The following CSMD1 variants were observed in gnomAD, a reference collection of about 807,000 sequenced individuals.
CSMD1 encodes CUB and sushi domain-containing protein 1.
CSMD1 carries 213 observed loss-of-function variants against 417.5 expected under a neutral mutation model. The observed-to-expected ratio is 0.51, with a 90% CI of 0.46 to 0.57. The LOEUF is 0.57. Ranked by LOEUF, CSMD1 falls within the 20% of genes least tolerant of loss-of-function variation. The probability of loss-of-function intolerance (pLI) is 0.00; values close to 1 mark genes in which losing one functional copy is unlikely to be tolerated. For synonymous variants in CSMD1, 2,862 were observed against 1,736.8 expected (o/e 1.65, Z -16.11); for missense variants, 6,923 against 4,529.7 (o/e 1.53, Z -15.17).
In CSMD1 at chr8:3,932,982, T is replaced by C. The variant is rs531035063; in HGVS notation, c.818+64921A>G. 2.8e-4 allele frequency among the ~76,000 whole-genome samples: 42 copies of C among 150,040 alleles called. 2 individuals carry two copies. Among genetic ancestry groups the C allele is most frequent in the African/African-American group, 9.8e-4 (40 of 40,730 alleles). ...TTAAATTTTTTGCTTTCTAATATCC[T>C]GAAAAACTTTTTAAATGTTTAACAT... On this transcript the variant is annotated intron_variant, in intron 5 of 69. Transcript: ENST00000635120.
chr8:3,982,269 A>C (rs1422261363), intron 5 of CSMD1, among the ~76,000 whole-genome samples: 2 of 151,436 alleles, frequency 1.3e-5, no homozygotes, highest in Non-Finnish European at 2.9e-5. Context: ...GCTGGGATTT[A>C]AATCCTGGTC....
At chr8:3,437,739 T>G (rs1814661388) in intron 12 of CSMD1, among the ~76,000 whole-genome samples, 2 of 139,916 alleles carry the variant, frequency 1.4e-5, no homozygotes, top group African/African-American at 2.7e-5. Flanking sequence ...TAGATGCAGC[T>G]AATTGATATC....
intron 3 of CSMD1, among the ~76,000 whole-genome samples, chr8:4,408,826 C>T (rs916213162): frequency 1.3e-5 from 2 of 152,088 alleles, no homozygotes; most frequent in Non-Finnish European, 2.9e-5. Flanking sequence ...AAGGGGGAAA[C>T]CTTTTAGACT....
chr8:3,261,081 T>G (rs1801027925), intron 26 of CSMD1, among the ~76,000 whole-genome samples: 1 of 152,162 alleles, frequency 6.6e-6, no homozygotes, highest in South Asian at 2.1e-4. Flanking sequence ...ATGCTCTAAA[T>G]TAGTAGCCAT....
rs77913759 is a variant in CSMD1, at chr8:4,674,421, G to C, written c.86-36863C>G. On this transcript the variant is annotated intron_variant, in intron 1 of 69. Transcript: ENST00000635120. ...AGGTAAAGGCAAGTGGAAACAGGTA[G>C]GGTGATGCCAGGATGGGAAGGTCTC... Among the ~76,000 whole-genome samples, 354 of 152,256 alleles carry C rather than the reference G, an allele frequency of 2.3e-3. 1 individual carries two copies. Among genetic ancestry groups the C allele is most frequent in the African/African-American group, 8.1e-3 (338 of 41,560 alleles).
chr8:4,237,966 G>A (rs966964548), intron 3 of CSMD1, among the ~76,000 whole-genome samples: 3 of 152,186 alleles, frequency 2.0e-5, no homozygotes, highest in African/African-American at 4.8e-5. Context: ...TGTCTCCTGG[G>A]TTGGCTCAGG....
At chr8:3,727,520 G>A (rs778653598) in intron 6 of CSMD1, among the ~76,000 whole-genome samples, 3 of 152,214 alleles carry the variant, frequency 2.0e-5, no homozygotes, top group Admixed American at 2.0e-4. Flanking sequence ...TGGTGTGAAT[G>A]TAAAATGAGG....
intron 2 of CSMD1, among the ~76,000 whole-genome samples, chr8:4,596,739 G>A (rs528513117): frequency 2.0e-5 from 3 of 152,198 alleles, no homozygotes; most frequent in South Asian, 2.1e-4. Context: ...AGGAACAAAC[G>A]AAATACACAC....
intron 1 of CSMD1, among the ~76,000 whole-genome samples, chr8:4,685,473 G>A (rs1013171009): frequency 1.3e-5 from 2 of 152,248 alleles, no homozygotes; most frequent in Non-Finnish European, 2.9e-5. Flanking sequence ...TACCCGGGAG[G>A]CTGAGGCAGG....
intron 2 of CSMD1, among the ~76,000 whole-genome samples, chr8:4,574,083 C>A (rs1186384216): frequency 6.6e-6 from 1 of 152,106 alleles, no homozygotes; most frequent in Admixed American, 6.5e-5. Flanking sequence ...ACCCACTGAG[C>A]AAGACCACTT....
chr8:4,080,883 T>C (rs1459564241), intron 3 of CSMD1, among the ~76,000 whole-genome samples: 1 of 152,212 alleles, frequency 6.6e-6, no homozygotes, highest in Non-Finnish European at 1.5e-5. Flanking sequence ...TTATTTAGAC[T>C]TAGACCCAAG....
chr8:3,549,645 T>G (rs1194308333), intron 10 of CSMD1, among the ~76,000 whole-genome samples: 2 of 152,314 alleles, frequency 1.3e-5, no homozygotes, highest in East Asian at 3.9e-4. Context: ...GCTAGCATGA[T>G]GGGAGAAATC....
chr8:3,395,256 A>C (rs758856037), intron 17 of CSMD1, among the ~76,000 whole-genome samples: 73 of 152,174 alleles, frequency 4.8e-4, no homozygotes, highest in Non-Finnish European at 9.0e-4. Context: ...CAGCCATAAA[A>C]CTTTGGCAAA....
At chr8:4,594,677 G>T (rs558011016) in intron 2 of CSMD1, among the ~76,000 whole-genome samples, 1 of 152,248 alleles carries the variant, frequency 6.6e-6, no homozygotes, top group East Asian at 1.9e-4. Flanking sequence ...CTGCCCATGT[G>T]TTGCCTTTGT....
intron 1 of CSMD1, among the ~76,000 whole-genome samples, chr8:4,717,583 C>T (rs1808763531): frequency 1.5e-5 from 2 of 135,742 alleles, no homozygotes; most frequent in Admixed American, 1.5e-4. Flanking sequence ...TCCATCCATC[C>T]ATACATCCAT....
chr8:3,691,648 C>T (rs914434012), intron 7 of CSMD1, among the ~76,000 whole-genome samples: 7 of 152,124 alleles, frequency 4.6e-5, no homozygotes, highest in Admixed American at 2.6e-4. Context: ...CCTAAGTACC[C>T]TTTCGTGGCA....
At chr8:4,446,437 A>C (rs1798792967) in intron 2 of CSMD1, among the ~76,000 whole-genome samples, 1 of 152,052 alleles carries the variant, frequency 6.6e-6, no homozygotes, top group African/African-American at 2.4e-5. Context: ...AGTCCCCGCT[A>C]CTCAGGTGGC....
chr8:4,052,109 G>C (rs1243965249), intron 3 of CSMD1, among the ~76,000 whole-genome samples: 1 of 151,942 alleles, frequency 6.6e-6, no homozygotes, highest in Non-Finnish European at 1.5e-5. Flanking sequence ...TTTAAAAATA[G>C]AGACAGGGTT....
chr8:4,731,163 C>A (rs568244266), intron 1 of CSMD1, among the ~76,000 whole-genome samples: 4 of 152,324 alleles, frequency 2.6e-5, no homozygotes, highest in African/African-American at 7.2e-5. Flanking sequence ...ACTTTCCGAG[C>A]TGTAACTGAA....
Sources: gnomAD v4.1 joint callset for allele counts (sites outside exome capture counted in the v4.1 genomes callset) on GRCh38, gnomAD v4.1.1 for gene constraint, MANE v1.5 for transcripts, NCBI Gene and HGNC (gene_info 2026-07-23, HGNC 2026-07-21) for gene names.